The following CASK variants were observed in gnomAD, a reference collection of about 807,000 sequenced individuals.
CASK encodes calcium/calmodulin dependent serine protein kinase.
In CASK, 4 loss-of-function variants were observed where a neutral mutation model predicts 82.9. The ratio of observed to expected loss-of-function variants is 0.05; its 90% CI spans 0.02 to 0.11. The LOEUF is 0.11. CASK is among the 10% of genes least tolerant of loss of function. The probability of loss-of-function intolerance (pLI) is 1.00; values close to 1 mark genes in which losing one functional copy is unlikely to be tolerated. For missense variants in CASK, 358 were observed against 720.9 expected, an observed-to-expected ratio of 0.50 and a Z score of 5.76; for synonymous variants, 259 against 253.5, an observed-to-expected ratio of 1.02 and a Z score of -0.20.
At chrX:41,687,408 G>A (rs749466989) in intron 5 of CASK, among the ~76,000 whole-genome samples, 1 of 112,014 alleles carries the variant, frequency 8.9e-6, no homozygotes, top group Non-Finnish European at 1.9e-5. Flanking sequence ...CTGCAACGCA[G>A]ATGAACCTCG....
intron 3 of CASK, among the ~76,000 whole-genome samples, chrX:41,778,904 T>A (rs1179049453): frequency 9.0e-6 from 1 of 111,020 alleles, no homozygotes; most frequent in African/African-American, 3.3e-5. Flanking sequence ...ACCCTGTCAT[T>A]ATCTTTACAG....
chrX:41,739,850 A>G (rs781006432), intron 4 of CASK, among the ~76,000 whole-genome samples: 1 of 112,702 alleles, frequency 8.9e-6, no homozygotes, highest in Non-Finnish European at 1.9e-5. Context: ...TTCAGACTCA[A>G]GCAGTGGGAG....
At chrX:41,902,901 A>G (rs2072407981) in intron 1 of CASK, among the ~76,000 whole-genome samples, 2 of 112,363 alleles carry the variant, frequency 1.8e-5, no homozygotes, top group African/African-American at 6.5e-5. Context: ...GCTTAAGCAG[A>G]AAAACATATG....
intron 3 of CASK, among the ~76,000 whole-genome samples, chrX:41,781,416 C>T (rs1023974526): frequency 8.9e-6 from 1 of 112,636 alleles, no homozygotes; most frequent in Non-Finnish European, 1.9e-5. Context: ...TTTGTCTAGC[C>T]TTTTCTCCAC....
At chrX:41,589,798 T>C (rs748728317) in intron 12 of CASK, 25 of 384,048 alleles carry the variant, frequency 6.5e-5, no homozygotes, top group African/African-American at 3.8e-4. Flanking sequence ...CAAAAAATCA[T>C]CTTTAAATAG....
intron 5 of CASK, among the ~76,000 whole-genome samples, chrX:41,672,742 C>G (rs2067212821): frequency 9.0e-6 from 1 of 111,604 alleles, no homozygotes; most frequent in Non-Finnish European, 1.9e-5. Flanking sequence ...TAGTCTAGCA[C>G]AAACAGAGAT....
chrX:41,599,265 C>A (rs183851640), intron 12 of CASK, among the ~76,000 whole-genome samples: 405 of 112,059 alleles, frequency 3.6e-3, no homozygotes, highest in Middle Eastern at 0.014. Context: ...AATAGCTTAG[C>A]AGTGAAATGC....
chrX:41,548,100 A>G (rs960697524), intron 21 of CASK, among the ~76,000 whole-genome samples: 1 of 111,863 alleles, frequency 8.9e-6, no homozygotes, highest in African/African-American at 3.2e-5. Flanking sequence ...GTTCCCCTCA[A>G]TTCATAGTTT....
chrX:41,732,937 C>T (rs1346605027), intron 5 of CASK, among the ~76,000 whole-genome samples: 2 of 109,181 alleles, frequency 1.8e-5, no homozygotes, highest in Non-Finnish European at 3.8e-5. Context: ...ACTGGCCAGG[C>T]GTGGTGGCTC....
intron 1 of CASK, among the ~76,000 whole-genome samples, chrX:41,862,542 G>GAAAAAA (rs35462461): frequency 3.0e-5 from 1 of 32,861 alleles, no homozygotes; most frequent in Non-Finnish European, 5.1e-5. Context: ...CTCTGTCTCA[G>GAAAAAA]AAAAAAAAAA....
intron 3 of CASK, among the ~76,000 whole-genome samples, chrX:41,755,331 C>T (rs747100425): frequency 1.8e-5 from 2 of 112,049 alleles, no homozygotes; most frequent in East Asian, 5.6e-4. Context: ...CACTAAAGAA[C>T]ATAGATGCAA....
chrX:41,612,989 C>A (rs1212031751), intron 11 of CASK, among the ~76,000 whole-genome samples: 1 of 105,943 alleles, frequency 9.4e-6, no homozygotes, highest in Non-Finnish European at 2.0e-5. Context: ...TGGCCAGCCG[C>A]CCCGTCCGGG....
At chrX:41,794,235 C>T (rs1337251754) in intron 2 of CASK, among the ~76,000 whole-genome samples, 1 of 112,119 alleles carries the variant, frequency 8.9e-6, no homozygotes, top group Non-Finnish European at 1.9e-5. Context: ...AAGCAGCATA[C>T]CATTAATTCA....
At chrX:41,865,989 C>A (rs1373732325) in intron 1 of CASK, among the ~76,000 whole-genome samples, 1 of 112,462 alleles carries the variant, frequency 8.9e-6, no homozygotes, top group Non-Finnish European at 1.9e-5. Flanking sequence ...GCGGCTGCAG[C>A]TGCTTACTGC....
chrX:41,710,155 G>A (rs971894651), intron 5 of CASK, among the ~76,000 whole-genome samples: 1 of 100,050 alleles, frequency 1.0e-5, no homozygotes, highest in African/African-American at 3.7e-5. Flanking sequence ...GTGATACAAT[G>A]GAACAGCATT....
intron 12 of CASK, among the ~76,000 whole-genome samples, chrX:41,598,138 C>T (rs750146981): frequency 9.2e-6 from 1 of 108,696 alleles, no homozygotes; most frequent in Non-Finnish European, 1.9e-5. Flanking sequence ...GGCCCTGACA[C>T]ACACACACAC....
intron 2 of CASK, among the ~76,000 whole-genome samples, chrX:41,810,160 ACT>A (rs1467305375): frequency 1.8e-5 from 2 of 112,309 alleles, no homozygotes; most frequent in Admixed American, 9.4e-5. Flanking sequence ...GTTGGAAAAC[ACT>A]CTGCAGGATA....
intron 1 of CASK, among the ~76,000 whole-genome samples, chrX:41,874,710 T>C (rs968165356): frequency 4.4e-5 from 5 of 112,484 alleles, no homozygotes; most frequent in Non-Finnish European, 7.5e-5. Context: ...GCTAAGGAAA[T>C]TGCATTATGC....
rs1237584931 is a variant in CASK, at chrX:41,803,071, C to T, written c.173-15788G>A. On this transcript the variant is annotated intron_variant, in intron 2 of 26. Coordinates refer to ENST00000378163, the MANE Select transcript of CASK (RefSeq NM_001367721.1). Reference sequence around the variant, plus strand: ...AAACAAGAAACCTAGGGAACAAAGACTCTAGCACAGATGAAAGGCAAAAGG... The same window carrying T: ...AAACAAGAAACCTAGGGAACAAAGATTCTAGCACAGATGAAAGGCAAAAGG... Among the ~76,000 whole-genome samples the T allele has an allele frequency of 2.2e-4, 24 of 111,194 alleles. No individual in the cohort carries two copies. The Admixed American group carries it at 2.3e-3, about 11-fold the overall frequency.
Sources: gnomAD v4.1 joint callset for allele counts (sites outside exome capture counted in the v4.1 genomes callset) on GRCh38, gnomAD v4.1.1 for gene constraint, MANE v1.5 for transcripts, NCBI Gene and HGNC (gene_info 2026-07-23, HGNC 2026-07-21) for gene names.